Variants in PSMD5 observed in about 807,000 individuals in gnomAD.
The protein encoded by PSMD5 is 26S proteasome non-ATPase regulatory subunit 5.
PSMD5 carries 40 observed loss-of-function variants against 52.1 expected under a neutral mutation model. The observed-to-expected ratio is 0.77, with a 90% confidence interval of 0.60 to 1.00. PSMD5 has a LOEUF of 1.00. Ranked by LOEUF, PSMD5 falls within the 50% of genes least tolerant of loss-of-function variation. The pLI, the probability that PSMD5 is intolerant of heterozygous loss-of-function variation, is 0.00. For missense variants in PSMD5, 575 were observed against 605.2 expected, an observed-to-expected ratio of 0.95 and a Z score of 0.52; for synonymous variants, 211 against 226.6, an observed-to-expected ratio of 0.93 and a Z score of 0.62.
chr9:120,824,037 T>C (rs1299519388), intron 7 of PSMD5: 1 of 159,504 alleles, frequency 6.3e-6, no homozygotes, highest in African/African-American at 2.6e-5. Context: ...ATCAAGAGGA[T>C]GAGGCAGGAG....
chr9:120,840,429 T>C (rs2131439706), intron 1 of PSMD5, among the ~76,000 whole-genome samples: 1 of 150,314 alleles, frequency 6.7e-6, no homozygotes, highest in South Asian at 2.1e-4. Context: ...CTACAAAGTG[T>C]TTTTATTATT....
chr9:120,824,906 G>C (rs2045112437), intron 6 of PSMD5: 4 of 422,708 alleles, frequency 9.5e-6, no homozygotes, highest in Non-Finnish European at 1.2e-5. Context: ...ACCAGCTATT[G>C]AAGTACTGGC....
At position 120,817,651 on chromosome 9, in the gene PSMD5, T is replaced by G. The variant is rs774973083; in HGVS notation, c.*255A>C. 3.0e-5 allele frequency: 13 copies of G among 428,780 alleles called. No homozygotes were observed. The highest frequency in any genetic ancestry group is 5.0e-5 in the Non-Finnish European group (12 of 241,168). 26.6% of individuals were successfully genotyped at this position (428,780 alleles called of 1,614,324 possible). A position where few individuals can be genotyped will look rare whatever the true frequency, so the allele number is the denominator to read the frequency against. ...AAAACTTCCACCCTGTTGCAAAGAT[T>G]AAGGCAGTGAAAGGAATCTGAAAAA... On this transcript the variant is annotated 3_prime_UTR_variant, in exon 10 of 10. Transcript: ENST00000210313.
At position 120,821,481 on chromosome 9, in the gene PSMD5, T is replaced by C; in HGVS notation, c.1007-17A>G. ...AGCGAGTTCCTTTGAAGGATAACAG[T>C]GAGATTCTTCTTTATTATGGTAAAA... On this transcript the variant is annotated splice_polypyrimidine_tract_variant and intron_variant, in intron 7 of 9. Transcript: ENST00000210313. The C allele has an allele frequency of 1.3e-6, 2 of 1,499,920 alleles. No homozygotes were observed. Among genetic ancestry groups the C allele is most frequent in the South Asian group, 1.2e-5 (1 of 81,882 alleles). 92.9% of individuals were successfully genotyped at this position (1,499,920 alleles called of 1,614,324 possible). A position where few individuals can be genotyped will look rare whatever the true frequency, so the allele number is the denominator to read the frequency against.
intron 5 of PSMD5, among the ~76,000 whole-genome samples, chr9:120,827,849 C>T (rs1564475831): frequency 6.6e-6 from 1 of 152,156 alleles, no homozygotes; most frequent in South Asian, 2.1e-4. Flanking sequence ...TATTAGTAAA[C>T]TGTGGAATAT....
intron 8 of PSMD5, 57 bp downstream of exon 8, chr9:120,821,298 C>T: frequency 8.7e-7 from 1 of 1,147,256 alleles, no homozygotes; most frequent in East Asian, 2.4e-5. Flanking sequence ...TTGATTCATA[C>T]AGATTTATTC....
Position 120,817,758 on chromosome 9 carries a change from T to C in PSMD5, c.*148A>G. 1 of 929,844 alleles carries C rather than the reference T, an allele frequency of 1.1e-6. No homozygotes were observed. Among genetic ancestry groups the C allele is most frequent in the Non-Finnish European group, 1.6e-6 (1 of 627,474 alleles). 57.6% of individuals were successfully genotyped at this position (929,844 alleles called of 1,614,324 possible). On this transcript the variant is annotated 3_prime_UTR_variant, in exon 10 of 10. Coordinates refer to ENST00000210313, the MANE Select transcript of PSMD5 (RefSeq NM_005047.4). ...TCCACTTTGCATTTCAATGTAGAAA[T>C]ATAACAGTGTTGGTAACAAAGTAAC...
At chr9:120,840,595 G>C (rs2416801) in intron 1 of PSMD5, among the ~76,000 whole-genome samples, 1 of 149,088 alleles carries the variant, frequency 6.7e-6, no homozygotes, top group African/African-American at 2.5e-5. Context: ...ACAGGTGTGC[G>C]CTACCAAGCC....
chr9:120,826,556 C>A (rs1205232253), intron 6 of PSMD5: 1 of 519,850 alleles, frequency 1.9e-6, no homozygotes, highest in Non-Finnish European at 3.3e-6. Flanking sequence ...GGATAAATCC[C>A]ACTTCATCAG....
rs935532643 is a variant in PSMD5 at position 120,817,057 on chromosome 9, G to A, written c.*849C>T. On this transcript the variant is annotated 3_prime_UTR_variant, in exon 10 of 10. Transcript: ENST00000210313. ...ACTATAAACATTTTTTAGATATTTT[G>A]TCTTTTTTTCAAAGGAATAATAGTA... 6.6e-6 allele frequency: 1 copy of A among 151,920 alleles called. No homozygotes were observed. Among genetic ancestry groups the A allele is most frequent in the African/African-American group, 2.4e-5 (1 of 41,346 alleles). 9.4% of individuals were successfully genotyped at this position (151,920 alleles called of 1,614,324 possible). A position where few individuals can be genotyped will look rare whatever the true frequency, so the allele number is the denominator to read the frequency against.
chr9:120,821,582 T>C (rs183891656), intron 7 of PSMD5, 118 bp from the exon 8 acceptor site: 11 of 572,394 alleles, frequency 1.9e-5, no homozygotes, highest in African/African-American at 1.9e-4. Flanking sequence ...TTCACACTGT[T>C]GGGCAACCAT....
intron 9 of PSMD5, among the ~76,000 whole-genome samples, chr9:120,819,827 C>T (rs2045071168): frequency 6.6e-6 from 1 of 151,758 alleles, no homozygotes; most frequent in African/African-American, 2.4e-5. Context: ...CAGAGCGAGA[C>T]TCTGTCTCAA....
intron 6 of PSMD5, 188 bp downstream of exon 6, chr9:120,826,577 C>T: frequency 1.6e-6 from 1 of 629,654 alleles, no homozygotes; most frequent in South Asian, 2.5e-5. Flanking sequence ...GGTGGATGAC[C>T]CTTTTAATGT....
Position 120,842,877 on chromosome 9 carries a change from C to G in PSMD5, c.33G>C (p.Glu11Asp). The G allele has an allele frequency of 6.2e-7, 1 of 1,600,034 alleles. No individual in the cohort carries two copies. Reference sequence around the variant, plus strand: ...CCAGCGGCGCTTCCAGCCTCGCTACCTCTCTCAGCAGCGCCAAAGCCTGGG... The same window carrying G: ...CCAGCGGCGCTTCCAGCCTCGCTACGTCTCTCAGCAGCGCCAAAGCCTGGG... Reference protein sequence around the residue: MAAQALALLREVARLEAPLEE... With the variant: MAAQALALLRDVARLEAPLEE... Residue 11 changes from glutamate to aspartate, a missense_variant, in exon 1 of 10, where the codon GAG becomes GAC. Coordinates refer to ENST00000210313, the MANE Select transcript of PSMD5 (RefSeq NM_005047.4).
intron 1 of PSMD5, among the ~76,000 whole-genome samples, chr9:120,834,288 T>C (rs563338323): frequency 6.6e-6 from 1 of 152,076 alleles, no homozygotes; most frequent in East Asian, 1.9e-4. Flanking sequence ...CCCGATATAT[T>C]CTCTAGTCTT....
chr9:120,842,634 C>A, intron 1 of PSMD5, 103 bp downstream of exon 1: 2 of 1,417,902 alleles, frequency 1.4e-6, no homozygotes, highest in South Asian at 1.3e-5. Flanking sequence ...TACTTTCCAC[C>A]TCCCCTGTGA....
intron 1 of PSMD5, among the ~76,000 whole-genome samples, chr9:120,835,729 CAAA>C (rs112385401): frequency 7.3e-6 from 1 of 136,750 alleles, no homozygotes; most frequent in Non-Finnish European, 1.6e-5. Context: ...AACTCTGTCT[CAAA>C]AAAAAAAAAT....
At chr9:120,833,231 T>C (rs1379273898) in intron 2 of PSMD5, 81 bp downstream of exon 2, 1 of 1,445,110 alleles carries the variant, frequency 6.9e-7, no homozygotes, top group Non-Finnish European at 9.6e-7. Context: ...AGAAATACTG[T>C]GCTTTCTTCA....
intron 1 of PSMD5, among the ~76,000 whole-genome samples, chr9:120,841,376 G>A (rs1187981341): frequency 2.0e-5 from 3 of 151,978 alleles, no homozygotes; most frequent in Admixed American, 2.0e-4. Context: ...TCCGTAGATC[G>A]AGACCATCCT....
Sources: gnomAD v4.1 joint callset for allele counts (sites outside exome capture counted in the v4.1 genomes callset) on GRCh38, gnomAD v4.1.1 for gene constraint, MANE v1.5 for transcripts, NCBI Gene and HGNC (gene_info 2026-07-23, HGNC 2026-07-21) for gene names.